Variants in KANSL1 observed in about 807,000 individuals in gnomAD.
KANSL1 encodes KAT8 regulatory NSL complex subunit 1.
A neutral mutation model predicts 103.6 loss-of-function variants in KANSL1; 22 were observed. The ratio of observed to expected loss-of-function variants is 0.21; its 90% CI spans 0.15 to 0.30. The LOEUF (loss-of-function observed/expected upper bound fraction) is 0.30, where lower values mean the gene tolerates loss of function less well. Among genes scored for constraint, KANSL1 ranks in the 10% least tolerant of loss-of-function variants. The probability of loss-of-function intolerance (pLI) is 1.00; values close to 1 mark genes in which losing one functional copy is unlikely to be tolerated. For missense variants in KANSL1, 1,337 were observed against 1,399.8 expected (o/e 0.96, Z 0.72); for synonymous variants, 600 against 527.6 (o/e 1.14, Z -1.88).
intron 3 of KANSL1, among the ~76,000 whole-genome samples, chr17:46,087,273 A>C (rs1056015303): frequency 3.3e-5 from 5 of 152,226 alleles, no homozygotes; most frequent in Non-Finnish European, 7.3e-5. Flanking sequence ...GTTACACTGA[A>C]GCAACCAACA....
intron 12 of KANSL1, 67 bp from the exon 13 acceptor site, chr17:46,033,259 C>G: frequency 6.9e-7 from 1 of 1,448,324 alleles, no homozygotes; most frequent in Admixed American, 1.9e-5. Flanking sequence ...CCACCCCATT[C>G]TAGGTTCTTC....
At chr17:46,064,955 G>A (rs554908093) in intron 6 of KANSL1, among the ~76,000 whole-genome samples, 53 of 151,648 alleles carry the variant, frequency 3.5e-4, no homozygotes, top group African/African-American at 1.1e-3. Flanking sequence ...ATATGTATAC[G>A]TGTGTTTTTT....
rs2043112036 is a variant in KANSL1, at chr17:46,117,869, GA to G, written c.1290-23169del. ...AAAAAAGTGACAAATAAATACAAAAGAAATACACTACTAAATCAACCAAATA... is the reference window on the plus strand; with the variant it reads ...AAAAAAGTGACAAATAAATACAAAAGAATACACTACTAAATCAACCAAATA... On this transcript the variant is annotated intron_variant, in intron 2 of 14. Coordinates refer to ENST00000432791, the MANE Select transcript of KANSL1 (RefSeq NM_015443.4). Among the ~76,000 whole-genome samples the G allele has an allele frequency of 5.9e-5, 9 of 152,164 alleles. No individual in the cohort carries two copies. In the South Asian group the frequency reaches 1.9e-3, roughly 32 times the overall value.
intron 2 of KANSL1, among the ~76,000 whole-genome samples, chr17:46,169,091 T>C (rs1235369824): frequency 6.6e-6 from 1 of 152,256 alleles, no homozygotes; most frequent in Non-Finnish European, 1.5e-5. Flanking sequence ...GCATGCAATT[T>C]AAAATCCTTT....
At chr17:46,154,470 T>A (rs1255651237) in intron 2 of KANSL1, among the ~76,000 whole-genome samples, 1 of 152,180 alleles carries the variant, frequency 6.6e-6, no homozygotes, top group African/African-American at 2.4e-5. Context: ...ATTGTACAGA[T>A]GGGCGTCACC....
At chr17:46,066,468 G>A in intron 6 of KANSL1, 69 bp downstream of exon 6, 1 of 1,375,736 alleles carries the variant, frequency 7.3e-7, no homozygotes, top group South Asian at 1.8e-5. Flanking sequence ...ACCAAAGTTG[G>A]CAAGAGACTA....
intron 2 of KANSL1, among the ~76,000 whole-genome samples, chr17:46,157,946 G>A (rs535567022): frequency 3.9e-4 from 59 of 152,326 alleles, no homozygotes; most frequent in Middle Eastern, 6.8e-3. Flanking sequence ...AAACATTTTC[G>A]CCCAGTTGGA....
chr17:46,115,052 C>T (rs2042983783), intron 2 of KANSL1, among the ~76,000 whole-genome samples: 1 of 151,628 alleles, frequency 6.6e-6, no homozygotes, highest in South Asian at 2.1e-4. Context: ...TTTTGTAAAC[C>T]CAAGTTTTAT....
chr17:46,211,943 C>A (rs2048180761), intron 1 of KANSL1, among the ~76,000 whole-genome samples: 1 of 152,216 alleles, frequency 6.6e-6, no homozygotes, highest in Non-Finnish European at 1.5e-5. Context: ...AGGTTAACAT[C>A]TTAACAGATA....
chr17:46,172,196 A>G lies in KANSL1; in HGVS notation c.-53T>C, dbSNP rs2046324102. 10 of 1,526,400 alleles carry G rather than the reference A, an allele frequency of 6.6e-6. No homozygotes were observed. Among genetic ancestry groups the G allele is most frequent in the East Asian group, 2.3e-5 (1 of 43,514 alleles). 94.6% of individuals were successfully genotyped at this position (1,526,400 alleles called of 1,614,324 possible). A position where few individuals can be genotyped will look rare whatever the true frequency, so the allele number is the denominator to read the frequency against. On this transcript the variant is annotated 5_prime_UTR_variant, in exon 2 of 15. Coordinates refer to ENST00000432791, the MANE Select transcript of KANSL1 (RefSeq NM_015443.4). ...CTCTCCCGATGCCGAGGCCGAGGCC[A>G]GCTCCACGGCCCCTTACTGCCTCCC... is the stretch of plus-strand genomic sequence containing the variant.
At chr17:46,092,175 CA>C (rs2079421612) in intron 3 of KANSL1, among the ~76,000 whole-genome samples, 1 of 152,182 alleles carries the variant, frequency 6.6e-6, no homozygotes, top group Admixed American at 6.5e-5. Flanking sequence ...GTTCACGCAC[CA>C]ATGAAATCAC....
chr17:46,052,092 T>C (rs1310577442), intron 6 of KANSL1, among the ~76,000 whole-genome samples: 1 of 152,120 alleles, frequency 6.6e-6, no homozygotes, highest in Non-Finnish European at 1.5e-5. Flanking sequence ...GATGACATTT[T>C]GAGGTAAAGA....
chr17:46,113,636 T>TA (rs11307173), intron 2 of KANSL1, among the ~76,000 whole-genome samples: 24,126 of 147,228 alleles, frequency 0.16, 2,613 homozygotes, highest in East Asian at 0.42. Context: ...TGAGTTGGAC[T>TA]AAAAAAAAAA....
chr17:46,049,240 C>CCTT (rs1555738031), intron 7 of KANSL1, among the ~76,000 whole-genome samples: 1 of 75,768 alleles, frequency 1.3e-5, no homozygotes, highest in Non-Finnish European at 2.4e-5. Flanking sequence ...CATCCAAGAC[C>CCTT]TTTTTTTTTT....
At chr17:46,214,079 G>A (rs899812719) in intron 1 of KANSL1, among the ~76,000 whole-genome samples, 7 of 152,170 alleles carry the variant, frequency 4.6e-5, no homozygotes, top group Non-Finnish European at 1.0e-4. Flanking sequence ...AAATGACACT[G>A]GGTGGTCAGC....
At chr17:46,062,108 AAC>A (rs1491015896) in intron 6 of KANSL1, among the ~76,000 whole-genome samples, 6 of 37,564 alleles carry the variant, frequency 1.6e-4, no homozygotes, top group Non-Finnish European at 2.1e-4. Flanking sequence ...AAAAAAAAAA[AAC>A]AAACAAACAA....
chr17:46,180,052 G>C (rs1399556451), intron 1 of KANSL1, among the ~76,000 whole-genome samples: 1 of 150,534 alleles, frequency 6.6e-6, no homozygotes, highest in Non-Finnish European at 1.5e-5. Context: ...TAACAAGAGC[G>C]AGACTCCATC....
Position 46,032,198 on chromosome 17 carries a change from A to G in KANSL1, c.2939T>C (p.Leu980Ser), listed in dbSNP as rs1284520621. ...GGACTGACCATGGGAGTATTCTGAC[A>G]AAGAGTGGCTACTGCTGACATCAGG... is the stretch of plus-strand genomic sequence containing the variant. ...ASPDVSSSHS[L>S]SEYSHGQSPR... is the part of the protein sequence containing the mutation. Residue 980 changes from leucine (L) to serine (S), a missense_variant, in exon 14 of 15, where the codon TTG (leucine) becomes TCG (serine). Around this residue, in one of 2 missense-constraint regions of KANSL1, gnomAD observed 780 missense variants for 923.4 expected, o/e 0.84. Coordinates refer to ENST00000432791, the MANE Select transcript of KANSL1 (RefSeq NM_015443.4). 2.5e-6 allele frequency: 4 copies of G among 1,607,416 alleles called. No homozygotes were observed. The highest frequency in any genetic ancestry group is 3.4e-6 in the Non-Finnish European group (4 of 1,175,574).
chr17:46,054,002 T>C (rs28689858), intron 6 of KANSL1, among the ~76,000 whole-genome samples: 137,090 of 152,254 alleles, frequency 0.9, 62,141 homozygotes, highest in East Asian at 1. Flanking sequence ...ATGGTGTGCA[T>C]GTGTAGCCCT....
Sources: allele counts gnomAD v4.1 joint callset (sites outside exome capture counted in the v4.1 genomes callset), GRCh38; gene constraint gnomAD v4.1.1; regional missense constraint gnomAD v4.1.1; transcripts MANE v1.5; gene names NCBI Gene and HGNC (gene_info 2026-07-23, HGNC 2026-07-21).